The following ERCC1 variants were observed in gnomAD, a reference collection of about 807,000 sequenced individuals.
The protein encoded by ERCC1 is DNA excision repair protein ERCC-1.
ERCC1 carries 36 observed loss-of-function variants against 37.6 expected under a neutral mutation model. The observed-to-expected ratio is 0.96, with a 90% confidence interval of 0.73 to 1.26. ERCC1 has a LOEUF of 1.26. ERCC1 is among the 50% of genes most tolerant of loss of function. The probability of loss-of-function intolerance (pLI) is 0.00; values close to 1 mark genes in which losing one functional copy is unlikely to be tolerated. For synonymous variants in ERCC1, 156 were observed against 162.1 expected, an observed-to-expected ratio of 0.96 and a Z score of 0.28; for missense variants, 349 against 376.5, an observed-to-expected ratio of 0.93 and a Z score of 0.60.
intron 1 of ERCC1, 65 bp from the exon 2 acceptor site, chr19:45,423,446 AC>A (rs56298105): frequency 1.4e-5 from 21 of 1,535,770 alleles, no homozygotes; most frequent in South Asian, 1.1e-4. Flanking sequence ...CGCAGCAGGA[AC>A]CCCCCACTCA....
intron 1 of ERCC1, among the ~76,000 whole-genome samples, chr19:45,434,485 C>T (rs1198458773): frequency 6.6e-6 from 1 of 152,044 alleles, no homozygotes. Context: ...GAGTAAAGCC[C>T]TATCTCAAAA....
Position 45,416,829 on chromosome 19 carries a change from G to T in ERCC1, c.594C>A (p.Leu198=). Residue 198 remains leucine, a synonymous_variant, in exon 6 of 10, where the codon CTC becomes CTA. Coordinates refer to ENST00000300853, the MANE Select transcript of ERCC1 (RefSeq NM_001983.4). ...MCILADCTLI[L]AWSPEEAGRY... is the part of the protein sequence containing the mutation. ...GGAAGCCCTCATCTCACCTCCAGGCGAGGATCAATGTGCAGTCGGCCAGGA... is the reference window on the plus strand; with the variant it reads ...GGAAGCCCTCATCTCACCTCCAGGCTAGGATCAATGTGCAGTCGGCCAGGA... 2 of 1,613,244 alleles carry T rather than the reference G, an allele frequency of 1.2e-6. No homozygotes were observed. The highest frequency in any genetic ancestry group is 1.7e-6 in the Non-Finnish European group (2 of 1,179,296).
At chr19:45,437,069 G>A (rs922395251) in intron 1 of ERCC1, among the ~76,000 whole-genome samples, 6 of 152,070 alleles carry the variant, frequency 3.9e-5, no homozygotes, top group African/African-American at 1.4e-4. Context: ...GACCAACATG[G>A]TGAAACCCCA....
At chr19:45,422,023 C>T (rs1266899004) in intron 2 of ERCC1, among the ~76,000 whole-genome samples, 1 of 152,054 alleles carries the variant, frequency 6.6e-6, no homozygotes, top group Non-Finnish European at 1.5e-5. Flanking sequence ...AGCCACTTCT[C>T]CCCCACTCCT....
intron 2 of ERCC1, among the ~76,000 whole-genome samples, chr19:45,422,371 G>A (rs1974488752): frequency 6.6e-6 from 1 of 152,030 alleles, no homozygotes; most frequent in African/African-American, 2.4e-5. Flanking sequence ...TTTGGCACTG[G>A]CTGTTCCCTC....
chr19:45,450,106 G>A (rs1967068009), intron 1 of ERCC1, among the ~76,000 whole-genome samples: 1 of 152,164 alleles, frequency 6.6e-6, no homozygotes, highest in Admixed American at 6.5e-5. Context: ...GGTGGGTGAT[G>A]TTATCACCTC....
intron 1 of ERCC1, among the ~76,000 whole-genome samples, chr19:45,446,411 TGGC>T (rs1966944070): frequency 1.3e-5 from 2 of 152,172 alleles, no homozygotes; most frequent in Non-Finnish European, 2.9e-5. Flanking sequence ...CATCAGTAGA[TGGC>T]AGCACTTTCC....
At chr19:45,413,445 T>G in intron 9 of ERCC1, 1 of 805,308 alleles carries the variant, frequency 1.2e-6, no homozygotes. Context: ...GCCCAGCTAG[T>G]TTTTTTTATT....
intron 9 of ERCC1, among the ~76,000 whole-genome samples, chr19:45,412,098 A>C (rs1393645600): frequency 6.6e-6 from 1 of 151,788 alleles, no homozygotes; most frequent in Non-Finnish European, 1.5e-5. Context: ...TGACCTCACG[A>C]TCCACCCGCC....
In ERCC1 at chr19:45,420,632, TC is replaced by T. The variant is rs1974359087; in HGVS notation, c.322-206del. On this transcript the variant is annotated intron_variant, in intron 3 of 9. Transcript: ENST00000300853. This position sits in a 1 kb window ranked among gnomAD's most constrained non-coding sequence, Gnocchi z 4.8. ...TCTCTCTCCTCCTAACCCTGGACAG[TC>T]CCTGATCCTCTGATCCAGGCTCCTC... is the stretch of plus-strand genomic sequence containing the variant. 6.6e-6 allele frequency among the ~76,000 whole-genome samples: 1 copy of T among 151,812 alleles called. No homozygotes were observed. The highest frequency in any genetic ancestry group is 2.4e-5 in the African/African-American group (1 of 41,314).
chr19:45,446,796 G>A (rs1209333904), intron 1 of ERCC1, among the ~76,000 whole-genome samples: 3 of 152,208 alleles, frequency 2.0e-5, no homozygotes, highest in African/African-American at 4.8e-5. Context: ...TCAGGAATTC[G>A]AGACCAGCCT....
In ERCC1 at chr19:45,446,509, GC is replaced by G; in HGVS notation, c.-7-23129del. Among the ~76,000 whole-genome samples, 2 of 152,250 alleles carry G rather than the reference GC, an allele frequency of 1.3e-5. 1 individual carries two copies. Among genetic ancestry groups the G allele is most frequent in the South Asian group, 4.1e-4 (2 of 4,824 alleles). On this transcript the variant is annotated intron_variant, in intron 1 of 8. Transcript: ENST00000423698. ...GTGCAAACTGAGGCCCAAAGAGGTCGCTTAACTTGCCTAAGGTCTCACGGCT... is the reference window on the plus strand; with the variant it reads ...GTGCAAACTGAGGCCCAAAGAGGTCGTTAACTTGCCTAAGGTCTCACGGCT...
intron 6 of ERCC1, among the ~76,000 whole-genome samples, chr19:45,416,100 A>G (rs530147492): frequency 6.6e-6 from 1 of 152,232 alleles, no homozygotes; most frequent in African/African-American, 2.4e-5. Context: ...GCACCACTGC[A>G]CTCCAGCCTC....
rs1216816214 is a variant in ERCC1 at position 45,441,244 on chromosome 19, G to A, written c.-7-17863C>T. 2.0e-5 allele frequency among the ~76,000 whole-genome samples: 3 copies of A among 152,226 alleles called. No homozygotes were observed. In the East Asian group the frequency reaches 5.8e-4, roughly 29 times the overall value. ...CAGGCCTCAAGGACCTACACTGCAT[G>A]TTCTGGGGGTTTAAAGGGAGCACAC... On this transcript the variant is annotated intron_variant, in intron 1 of 8. Transcript: ENST00000423698.
intron 7 of ERCC1, 151 bp downstream of exon 7, chr19:45,414,710 G>A (rs1973946548): frequency 3.1e-6 from 2 of 639,278 alleles, no homozygotes; most frequent in Non-Finnish European, 5.7e-6. Flanking sequence ...TTGTGCTCAG[G>A]AAAACCCCTC....
chr19:45,449,374 G>A (rs1967042761), intron 1 of ERCC1: 1 of 152,282 alleles, frequency 6.6e-6, no homozygotes, highest in Non-Finnish European at 1.5e-5. Flanking sequence ...CCAGTGAGGA[G>A]CTGGACGCTG....
intron 8 of ERCC1, 95 bp downstream of exon 8, chr19:45,413,868 G>C: frequency 6.4e-7 from 1 of 1,568,848 alleles, no homozygotes; most frequent in Non-Finnish European, 8.8e-7. Flanking sequence ...GGACGGGCAA[G>C]GGGTGGGCAG....
At chr19:45,426,358 G>A (rs1974690705), upstream of ERCC1, among the ~76,000 whole-genome samples, 1 of 123,980 alleles carries the variant, frequency 8.1e-6, no homozygotes, top group Admixed American at 1.1e-4. Flanking sequence ...CAGCCTGGGT[G>A]ACAGAGCCAG....
At chr19:45,417,163 CCT>C (rs1272564528) in intron 5 of ERCC1, among the ~76,000 whole-genome samples, 1 of 152,140 alleles carries the variant, frequency 6.6e-6, no homozygotes, top group East Asian at 1.9e-4. Flanking sequence ...ATGCCAAGAG[CCT>C]CTCACCCAAT....
Sources: gnomAD v4.1 joint callset for allele counts (sites outside exome capture counted in the v4.1 genomes callset) on GRCh38, gnomAD v4.1.1 for gene constraint, Gnocchi (gnomAD v3.1) non-coding constraint, MANE v1.5 for transcripts, NCBI Gene and HGNC (gene_info 2026-07-23, HGNC 2026-07-21) for gene names.